The following LRRC15 variants were observed in gnomAD, a reference collection of about 807,000 sequenced individuals.
The protein encoded by LRRC15 is leucine-rich repeat-containing protein 15.
Under a neutral mutation model 4.3 loss-of-function variants are expected in LRRC15, and 5 were observed. That is an observed-to-expected ratio of 1.16 (90% CI 0.61 to 2.44). The LOEUF is 2.44. Among genes scored for constraint, LRRC15 ranks in the 30% most tolerant of loss-of-function variants. The pLI is 0.01. For missense variants in LRRC15, 769 were observed against 747.0 expected, an observed-to-expected ratio of 1.03 and a Z score of -0.34; for synonymous variants, 337 against 323.2, an observed-to-expected ratio of 1.04 and a Z score of -0.46.
chr3:194,364,329 A>C (rs1169525875), intron 1 of LRRC15, among the ~76,000 whole-genome samples: 5 of 152,156 alleles, frequency 3.3e-5, no homozygotes, highest in Non-Finnish European at 5.9e-5. Context: ...TGAGATATTT[A>C]CTGCCTGGGC....
chr3:194,362,369 CGT>C (rs1713655059), intron 1 of LRRC15, among the ~76,000 whole-genome samples: 1 of 152,118 alleles, frequency 6.6e-6, no homozygotes, highest in African/African-American at 2.4e-5. Context: ...TGTGCAAATG[CGT>C]GCCTTGTTCC....
At chr3:194,361,228 T>C (rs768780881) in intron 1 of LRRC15, among the ~76,000 whole-genome samples, 182 bp from the exon 2 acceptor site, 9 of 152,248 alleles carry the variant, frequency 5.9e-5, no homozygotes, top group Non-Finnish European at 1.0e-4. Context: ...CCTTTCTGCT[T>C]CCATGCCTTT....
intron 1 of LRRC15, among the ~76,000 whole-genome samples, chr3:194,369,051 C>T (rs941201369): frequency 6.6e-6 from 1 of 152,244 alleles, no homozygotes; most frequent in Non-Finnish European, 1.5e-5. Context: ...GAGCCCATGT[C>T]CGAATTCCAA....
rs1713578614 is a variant in LRRC15 at position 194,360,323 on chromosome 3, AG to A, written c.720del (p.Phe241SerfsTer41). The A allele has an allele frequency of 6.8e-6, 11 of 1,614,092 alleles. No individual in the cohort carries two copies. Among genetic ancestry groups the A allele is most frequent in the Non-Finnish European group, 9.3e-6 (11 of 1,180,006 alleles). On this transcript the variant is annotated frameshift_variant, in exon 2 of 2. Transcript: ENST00000347624. LOFTEE classifies it low-confidence loss of function (END_TRUNC). ...CTCTGGAGGTTGTGGTTGTTGTGGA[AG>A]AGACCAGGGGAGAGCAGTCCAATCT... ...QNQIGLLSPG[L>X]FHNNHNLQRL... is the part of the protein sequence containing the mutation.
intron 1 of LRRC15, among the ~76,000 whole-genome samples, chr3:194,366,262 C>T (rs1053860033): frequency 1.3e-5 from 2 of 152,256 alleles, no homozygotes; most frequent in African/African-American, 4.8e-5. Flanking sequence ...GAACTGACCT[C>T]ATAGCGTTGC....
chr3:194,364,053 G>A (rs961069949), intron 1 of LRRC15, among the ~76,000 whole-genome samples: 3 of 152,066 alleles, frequency 2.0e-5, no homozygotes, highest in African/African-American at 4.8e-5. Flanking sequence ...CCTCACAGAG[G>A]GAGTAAGCTC....
chr3:194,359,894 T>G lies in LRRC15; in HGVS notation c.1150A>C (p.Ile384Leu), dbSNP rs1156765648. ...ATGAGGCCATTGACGTTGGCGAAGA[T>G]ATTCCCTGGGAGCTGTCTGAGGCGG... ...NNRLRQLPGNIFANVNGLMAI... is the reference protein window; with the variant it reads ...NNRLRQLPGNLFANVNGLMAI... Residue 384 changes from isoleucine to leucine, a missense_variant, in exon 2 of 2, where the codon ATC becomes CTC. Coordinates refer to ENST00000347624, the MANE Select transcript of LRRC15 (RefSeq NM_130830.5). The G allele has an allele frequency of 6.2e-7, 1 of 1,614,142 alleles. No homozygotes were observed. Among genetic ancestry groups the G allele is most frequent in the African/African-American group, 1.3e-5 (1 of 75,054 alleles).
chr3:194,360,673 A>G lies in LRRC15; in HGVS notation c.371T>C (p.Leu124Pro), dbSNP rs1430963547. The G allele has an allele frequency of 6.2e-7, 1 of 1,614,212 alleles. No homozygotes were observed. The highest frequency in any genetic ancestry group is 1.7e-5 in the Admixed American group (1 of 60,022). The change falls in exon 2 of 2, where the codon CTG (leucine) becomes CCG (proline). Residue 124 changes from leucine to proline, a missense_variant. By Grantham distance (98) the Leu-to-Pro change is moderately conservative. Coordinates refer to ENST00000347624, the MANE Select transcript of LRRC15 (RefSeq NM_130830.5). ...CAGAAGGAGAGACTCGAGGCTGTCC[A>G]GGCCCTGGAAGAGGCCGATGGGCAG... ...QVLPIGLFQG[L>P]DSLESLLLSS...
rs890591468 is a variant in LRRC15, at chr3:194,356,947, C to T, written c.*2351G>A. On this transcript the variant is annotated 3_prime_UTR_variant, in exon 2 of 2. Transcript: ENST00000347624. The stretch of plus-strand genomic sequence containing the variant: ...CAGGCCACCATCAGCGGGTGATGCT[C>T]ATGTGCCATGCTCTGGGCTCACTTC... 2.6e-5 allele frequency: 4 copies of T among 152,348 alleles called. No individual in the cohort carries two copies. The highest frequency in any genetic ancestry group is 7.2e-5 in the African/African-American group (3 of 41,470). The allele number at this position is 152,348 out of a possible 1,614,324, so 9.4% of individuals were successfully genotyped here.
At chr3:194,361,861 G>A (rs1333453289) in intron 1 of LRRC15, among the ~76,000 whole-genome samples, 1 of 152,166 alleles carries the variant, frequency 6.6e-6, no homozygotes, top group African/African-American at 2.4e-5. Flanking sequence ...ACCCTCCCAG[G>A]AAAAGGCAAT....
chr3:194,369,418 G>A (rs889845021), intron 1 of LRRC15, among the ~76,000 whole-genome samples: 2 of 152,220 alleles, frequency 1.3e-5, no homozygotes, highest in East Asian at 3.8e-4. Flanking sequence ...AGGGCAAGGG[G>A]CATAAGAGGC....
At position 194,357,728 on chromosome 3, in the gene LRRC15, G is replaced by C. The variant is rs1713474242; in HGVS notation, c.*1570C>G. 1 of 152,152 alleles carries C rather than the reference G, an allele frequency of 6.6e-6. No individual in the cohort carries two copies. Among genetic ancestry groups the C allele is most frequent in the East Asian group, 1.9e-4 (1 of 5,188 alleles). 9.4% of individuals were successfully genotyped at this position (152,152 alleles called of 1,614,324 possible). On this transcript the variant is annotated 3_prime_UTR_variant, in exon 2 of 2. Coordinates refer to ENST00000347624, the MANE Select transcript of LRRC15 (RefSeq NM_130830.5). Reference sequence around the variant, plus strand: ...TACCCCCGTGTCGCCTGCTGTAAGTGAGATTCTGAAGTTCAGCTGCCAGCT... The same window carrying C: ...TACCCCCGTGTCGCCTGCTGTAAGTCAGATTCTGAAGTTCAGCTGCCAGCT...
Position 194,360,986 on chromosome 3 carries a change from AC to A in LRRC15, c.57del (p.Leu20TrpfsTer37). On this transcript the variant is annotated frameshift_variant, in exon 2 of 2. Transcript: ENST00000347624. LOFTEE classifies it low-confidence loss of function (END_TRUNC). The stretch of plus-strand genomic sequence containing the variant: ...TCGCTAGGGCAGCCATGGTAGGCCA[AC>A]CCTGCACCCCAGGCTTGGCAGCCCA... Reference protein sequence around the residue: ...LLVGCQAWGAGLAYHGCPSEC... With the variant: ...LLVGCQAWGAXLAYHGCPSEC... 6.5e-7 allele frequency: 1 copy of A among 1,543,524 alleles called. No homozygotes were observed. The highest frequency in any genetic ancestry group is 8.7e-7 in the Non-Finnish European group (1 of 1,151,280).
At chr3:194,361,791 C>A (rs531293304) in intron 1 of LRRC15, among the ~76,000 whole-genome samples, 1 of 152,336 alleles carries the variant, frequency 6.6e-6, no homozygotes, top group African/African-American at 2.4e-5. Flanking sequence ...TCACCACCAA[C>A]CATCACTTAG....
At chr3:194,364,404 G>A (rs577214319) in intron 1 of LRRC15, among the ~76,000 whole-genome samples, 2 of 152,306 alleles carry the variant, frequency 1.3e-5, no homozygotes, top group African/African-American at 4.8e-5. Context: ...TATATTTAAT[G>A]TACACTCATA....
intron 1 of LRRC15, among the ~76,000 whole-genome samples, chr3:194,361,571 G>A (rs6797069): frequency 0.22 from 32,905 of 152,158 alleles, 3,807 homozygotes; most frequent in Non-Finnish European, 0.27. Flanking sequence ...TGCTGGTTAA[G>A]CACAGCCCTG....
At chr3:194,369,417 G>A (rs1202250849) in intron 1 of LRRC15, among the ~76,000 whole-genome samples, 1 of 152,222 alleles carries the variant, frequency 6.6e-6, no homozygotes, top group Admixed American at 6.5e-5. Flanking sequence ...CAGGGCAAGG[G>A]GCATAAGAGG....
In LRRC15 at chr3:194,359,613, A is replaced by G. The variant is rs1161092823; in HGVS notation, c.1431T>C (p.His477=). 1 of 1,613,888 alleles carries G rather than the reference A, an allele frequency of 6.2e-7. No homozygotes were observed. The highest frequency in any genetic ancestry group is 1.6e-4 in the Middle Eastern group (1 of 6,062). Residue 477 remains histidine (H), a synonymous_variant, in exon 2 of 2, where the codon CAT becomes CAC. Transcript: ENST00000347624. ...CTGGGTAACTAGGCACCTCGGGGAC[A>G]TGGACGCTTGGAACAGCAACGTTGA... The part of the protein sequence containing the change: ...INVNVAVPSV[H]VPEVPSYPET...
rs1281528195 is a variant in LRRC15 at position 194,360,491 on chromosome 3, G to A, written c.553C>T (p.Leu185Phe). The change falls in exon 2 of 2, where the codon CTC becomes TTC. Residue 185 changes from leucine to phenylalanine, a missense_variant. Physicochemically the swap from Leu to Phe is conservative, Grantham distance 22. Transcript: ENST00000347624. ...LTKLNLGKNS[L>F]THISPRVFQH... ...AAGACCCTGGGTGAGATGTGGGTGA[G>A]GCTATTCTTGCCCAGATTGAGCTTC... The A allele has an allele frequency of 1.2e-6, 2 of 1,614,168 alleles. No homozygotes were observed. The highest frequency in any genetic ancestry group is 8.5e-7 in the Non-Finnish European group (1 of 1,180,034).
Sources: allele counts gnomAD v4.1 joint callset (sites outside exome capture counted in the v4.1 genomes callset), GRCh38; gene constraint gnomAD v4.1.1; transcripts MANE v1.5; gene names NCBI Gene and HGNC (gene_info 2026-07-23, HGNC 2026-07-21).